The following RPS6KA5 variants were observed in gnomAD, a reference collection of about 807,000 sequenced individuals.
The protein encoded by RPS6KA5 is ribosomal protein S6 kinase alpha-5.
RPS6KA5 carries 27 observed loss-of-function variants against 85.5 expected under a neutral mutation model. That is an observed-to-expected ratio of 0.32 (90% CI 0.23 to 0.44). The LOEUF is 0.44. Ranked by LOEUF, RPS6KA5 falls within the 20% of genes least tolerant of loss-of-function variation. The pLI, the probability that RPS6KA5 is intolerant of heterozygous loss-of-function variation, is 1.00. For synonymous variants in RPS6KA5, 334 were observed against 348.2 expected (o/e 0.96, Z 0.46); for missense variants, 811 against 980.9 (o/e 0.83, Z 2.31).
intron 2 of RPS6KA5, among the ~76,000 whole-genome samples, chr14:90,999,709 G>C (rs1762968995): frequency 6.6e-6 from 1 of 152,186 alleles, no homozygotes; most frequent in Admixed American, 6.5e-5. Context: ...CGGGTGCCTT[G>C]TTCATGAATT....
chr14:90,885,681 G>A (rs1262282471), intron 14 of RPS6KA5, among the ~76,000 whole-genome samples: 2 of 128,404 alleles, frequency 1.6e-5, no homozygotes, highest in Non-Finnish European at 3.1e-5. Context: ...GGCGGAGCTT[G>A]CAGTAAGCGG....
At chr14:90,923,752 C>A (rs550301163) in intron 5 of RPS6KA5, among the ~76,000 whole-genome samples, 3 of 151,472 alleles carry the variant, frequency 2.0e-5, no homozygotes, top group African/African-American at 7.3e-5. Flanking sequence ...GGTTTGACAA[C>A]GCTAATGTTA....
At chr14:90,912,172 A>G (rs1808316140) in intron 7 of RPS6KA5, among the ~76,000 whole-genome samples, 1 of 152,164 alleles carries the variant, frequency 6.6e-6, no homozygotes, top group Non-Finnish European at 1.5e-5. Flanking sequence ...TATTTATTCC[A>G]TATCCTCCCA....
rs117013509 is a variant in RPS6KA5 at position 90,880,556 on chromosome 14, T to G, written c.1837-5196A>C. On this transcript the variant is annotated intron_variant, in intron 14 of 16. Transcript: ENST00000614987. ...ACTCAGATTGCATCCACATTTTAAC[T>G]CTGTATGTGTCCATTAGATCTAGTT... Among the ~76,000 whole-genome samples the G allele has an allele frequency of 7.6e-4, 116 of 152,328 alleles. No homozygotes were observed. The East Asian group carries it at 0.022, about 28-fold the overall frequency.
At chr14:90,941,609 G>A (rs1319230930) in intron 5 of RPS6KA5, among the ~76,000 whole-genome samples, 1 of 152,188 alleles carries the variant, frequency 6.6e-6, no homozygotes, top group Non-Finnish European at 1.5e-5. Flanking sequence ...GATAGGATCT[G>A]GGGGTTACCT....
At chr14:90,932,619 C>T (rs1224758000) in intron 5 of RPS6KA5, among the ~76,000 whole-genome samples, 2 of 152,202 alleles carry the variant, frequency 1.3e-5, no homozygotes, top group East Asian at 3.8e-4. Context: ...AGAAGACCTT[C>T]TATAAGCTGC....
At position 90,978,365 on chromosome 14, in the gene RPS6KA5, G is replaced by A; in HGVS notation, c.335C>T (p.Pro112Leu). ...AGCATAATGTAATGTTACCAAAAAT[G>A]GCGACTGCCTAATGTGTTCCAGGAC... is the stretch of plus-strand genomic sequence containing the variant. ...RQVLEHIRQS[P>L]FLVTLHYAFQ... The change falls in exon 3 of 17, where the codon CCA becomes CTA. Residue 112 changes from proline to leucine, a missense_variant. Transcript: ENST00000614987. The A allele has an allele frequency of 6.2e-7, 1 of 1,613,228 alleles. No individual in the cohort carries two copies. Among genetic ancestry groups the A allele is most frequent in the African/African-American group, 1.3e-5 (1 of 75,030 alleles).
At chr14:90,936,010 A>C (rs900647570) in intron 5 of RPS6KA5, among the ~76,000 whole-genome samples, 26 of 152,174 alleles carry the variant, frequency 1.7e-4, no homozygotes, top group African/African-American at 6.0e-4. Context: ...TCCAATAACT[A>C]CCAGATTCTC....
At chr14:91,034,758 A>C (rs181606608) in intron 1 of RPS6KA5, among the ~76,000 whole-genome samples, 93 of 152,332 alleles carry the variant, frequency 6.1e-4, no homozygotes, top group African/African-American at 2.1e-3. Context: ...ACCACCTTTA[A>C]GAGGTGTAAC....
intron 3 of RPS6KA5, among the ~76,000 whole-genome samples, chr14:90,952,044 T>C (rs916939688): frequency 2.0e-5 from 3 of 152,156 alleles, no homozygotes; most frequent in African/African-American, 7.2e-5. Context: ...GGTATGCCCC[T>C]CTACTTCTTT....
At chr14:90,978,232 C>T in intron 3 of RPS6KA5, 74 bp downstream of exon 3, 2 of 1,085,386 alleles carry the variant, frequency 1.8e-6, no homozygotes, top group Non-Finnish European at 2.7e-6. Flanking sequence ...AGTATCTTGC[C>T]CTTTAAGTAC....
At chr14:90,907,795 T>C (rs1461838556) in intron 7 of RPS6KA5, among the ~76,000 whole-genome samples, 2 of 152,176 alleles carry the variant, frequency 1.3e-5, no homozygotes, top group Admixed American at 6.5e-5. Context: ...TCGGCATTAA[T>C]AGACAATCCT....
chr14:91,009,323 G>A (rs748103355), intron 1 of RPS6KA5, among the ~76,000 whole-genome samples: 1 of 152,204 alleles, frequency 6.6e-6, no homozygotes, highest in Non-Finnish European at 1.5e-5. Context: ...CATCTATGAA[G>A]CAGAGAGCCC....
In RPS6KA5 at chr14:90,973,444, GA is replaced by G. The variant is rs879491035; in HGVS notation, c.394+4861del. ...GGGCAACAGAGCGAGACTCCATCTC[GA>G]AAAAAAAAAAAGAAGAGATGGTGAA... On this transcript the variant is annotated intron_variant, in intron 3 of 16. Transcript: ENST00000614987. Among the ~76,000 whole-genome samples the G allele has an allele frequency of 2.4e-3, 325 of 138,002 alleles. 1 individual carries two copies. Among genetic ancestry groups the G allele is most frequent in the African/African-American group, 7.0e-3 (263 of 37,696 alleles). 90.5% of individuals were successfully genotyped at this position (138,002 alleles called of 152,430 possible). A position where few individuals can be genotyped will look rare whatever the true frequency, so the allele number is the denominator to read the frequency against.
intron 1 of RPS6KA5, among the ~76,000 whole-genome samples, chr14:91,044,363 GAGAA>G (rs1332135446): frequency 2.3e-4 from 3 of 13,228 alleles, no homozygotes; most frequent in Non-Finnish European, 3.5e-4. Context: ...AAGAAAGAAA[GAGAA>G]AGAAAGAAGG....
At chr14:91,047,950 C>A (rs781643346) in intron 1 of RPS6KA5, among the ~76,000 whole-genome samples, 6 of 152,188 alleles carry the variant, frequency 3.9e-5, no homozygotes, top group Non-Finnish European at 7.3e-5. Context: ...GCCCTCCTGT[C>A]TCCCTCTTAC....
At chr14:91,056,454 G>A (rs75282315) in intron 1 of RPS6KA5, among the ~76,000 whole-genome samples, 2,827 of 152,282 alleles carry the variant, frequency 0.019, 35 homozygotes, top group South Asian at 0.032. Flanking sequence ...AGTGGAAGCT[G>A]TAGGATGTAA....
intron 1 of RPS6KA5, among the ~76,000 whole-genome samples, chr14:91,014,628 T>C (rs888370976): frequency 6.6e-6 from 1 of 152,130 alleles, no homozygotes; most frequent in Non-Finnish European, 1.5e-5. Context: ...TCAAAGTTAA[T>C]CCTTACTTAT....
In RPS6KA5 at chr14:90,900,620, T is replaced by C; in HGVS notation, c.1236A>G (p.Ala412=). The change falls in exon 10 of 17, where the codon GCA becomes GCG. Residue 412 remains alanine, a synonymous_variant. Coordinates refer to ENST00000614987, the MANE Select transcript of RPS6KA5 (RefSeq NM_004755.4). The stretch of plus-strand genomic sequence containing the variant: ...TACCACATCTATATACCTTCATCAT[T>C]GCACTCCTGGCAACATTTGTCACTC... The part of the protein sequence containing the change: ...RPGVTNVARS[A]MMKDSPFYQH... 2 of 1,613,666 alleles carry C rather than the reference T, an allele frequency of 1.2e-6. No individual in the cohort carries two copies. Among genetic ancestry groups the C allele is most frequent in the Non-Finnish European group, 1.7e-6 (2 of 1,179,828 alleles).
Sources: allele counts gnomAD v4.1 joint callset (sites outside exome capture counted in the v4.1 genomes callset), GRCh38; gene constraint gnomAD v4.1.1; transcripts MANE v1.5; gene names NCBI Gene and HGNC (gene_info 2026-07-23, HGNC 2026-07-21).